WWOX: variants seen among roughly 807,000 people sequenced by gnomAD.
The protein encoded by WWOX is WW domain-containing oxidoreductase.
WWOX carries 69 observed loss-of-function variants against 46.2 expected under a neutral mutation model. That is an observed-to-expected ratio of 1.49 (90% CI 1.23 to 1.82). The LOEUF is 1.82. Among genes scored for constraint, WWOX ranks in the 40% most tolerant of loss-of-function variants. The pLI is 0.00. For missense variants in WWOX, 919 were observed against 542.6 expected, an observed-to-expected ratio of 1.69 and a Z score of -6.89; for synonymous variants, 359 against 202.6, an observed-to-expected ratio of 1.77 and a Z score of -6.56.
intron 5 of WWOX, among the ~76,000 whole-genome samples, chr16:78,214,434 G>A (rs573800192): frequency 6.6e-6 from 1 of 152,102 alleles, no homozygotes; most frequent in East Asian, 1.9e-4. Flanking sequence ...GTGCACAATC[G>A]AAGTCTGCTG....
chr16:79,037,988 C>T (rs1030709773), intron 8 of WWOX, among the ~76,000 whole-genome samples: 6 of 152,022 alleles, frequency 3.9e-5, no homozygotes, highest in Non-Finnish European at 7.4e-5. Context: ...AGAAAAAGCT[C>T]GTTAACACAT....
intron 8 of WWOX, among the ~76,000 whole-genome samples, chr16:78,460,064 C>T (rs1400660013): frequency 6.6e-6 from 1 of 152,058 alleles, no homozygotes; most frequent in Non-Finnish European, 1.5e-5. Flanking sequence ...ACCTCGGCCT[C>T]CCAAAGTGCT....
intron 4 of WWOX, among the ~76,000 whole-genome samples, chr16:78,127,752 T>A (rs1421082364): frequency 1.3e-5 from 2 of 152,222 alleles, no homozygotes; most frequent in African/African-American, 2.4e-5. Context: ...TCAACTTTGC[T>A]GTCCTATTTT....
chr16:78,877,454 C>T (rs2044257333), intron 8 of WWOX, among the ~76,000 whole-genome samples: 1 of 152,180 alleles, frequency 6.6e-6, no homozygotes, highest in Non-Finnish European at 1.5e-5. Context: ...TGTTCTTCTC[C>T]AAAAGGCTTT....
chr16:78,579,388 A>C (rs1179696860), intron 8 of WWOX, among the ~76,000 whole-genome samples: 2 of 152,166 alleles, frequency 1.3e-5, no homozygotes, highest in East Asian at 3.9e-4. Flanking sequence ...GCCAAATTGA[A>C]GGGTAAACTG....
intron 8 of WWOX, among the ~76,000 whole-genome samples, chr16:78,990,175 C>T (rs1392095965): frequency 2.1e-5 from 3 of 140,778 alleles, no homozygotes; most frequent in African/African-American, 8.7e-5. Context: ...CAGAGGGAGA[C>T]CTTGTCTCAC....
rs148997465 is a variant in WWOX at position 78,383,363 on chromosome 16, A to G, written c.517-3497A>G. ...GGGTGTTCTCTGTACCAGTTTGGCCATGTTTTGTGAATCTATAATTAGTTT... is the reference window on the plus strand; with the variant it reads ...GGGTGTTCTCTGTACCAGTTTGGCCGTGTTTTGTGAATCTATAATTAGTTT... On this transcript the variant is annotated intron_variant, in intron 5 of 8. Coordinates refer to ENST00000566780, the MANE Select transcript of WWOX (RefSeq NM_016373.4). Among the ~76,000 whole-genome samples the G allele has an allele frequency of 4.9e-3, 741 of 152,214 alleles. 8 individuals are homozygous for G. Among genetic ancestry groups the G allele is most frequent in the African/African-American group, 0.015 (638 of 41,522 alleles).
chr16:78,665,601 C>T (rs959859442), intron 8 of WWOX, among the ~76,000 whole-genome samples: 6 of 152,050 alleles, frequency 3.9e-5, no homozygotes, highest in African/African-American at 9.7e-5. Context: ...TTCCAGATTC[C>T]GATTGCCCTG....
At chr16:78,181,189 AAGAC>A (rs1219602575) in intron 5 of WWOX, among the ~76,000 whole-genome samples, 2 of 152,054 alleles carry the variant, frequency 1.3e-5, no homozygotes, top group African/African-American at 4.8e-5. Context: ...GAGGGACAGA[AAGAC>A]AGAGAGAGAC....
chr16:78,795,589 G>T (rs1168593449), intron 8 of WWOX, among the ~76,000 whole-genome samples: 1 of 152,216 alleles, frequency 6.6e-6, no homozygotes, highest in Non-Finnish European at 1.5e-5. Flanking sequence ...TTCTGGGACA[G>T]TGCTTTCTTG....
intron 5 of WWOX, among the ~76,000 whole-genome samples, chr16:78,305,938 C>G (rs2080126448): frequency 1.3e-5 from 2 of 151,936 alleles, no homozygotes; most frequent in Admixed American, 6.6e-5. Flanking sequence ...AGTGGTCAGA[C>G]CACCAAGAAT....
At chr16:78,534,733 G>C (rs2043716421) in intron 8 of WWOX, among the ~76,000 whole-genome samples, 1 of 149,926 alleles carries the variant, frequency 6.7e-6, no homozygotes, top group Non-Finnish European at 1.5e-5. Flanking sequence ...TATTTTTTTT[G>C]AGACAGAGTC....
At chr16:78,429,109 G>A (rs908765935) in intron 7 of WWOX, among the ~76,000 whole-genome samples, 3 of 152,180 alleles carry the variant, frequency 2.0e-5, no homozygotes, top group African/African-American at 7.2e-5. Context: ...GTCAGGCACT[G>A]TAGTAAGCAA....
intron 8 of WWOX, among the ~76,000 whole-genome samples, chr16:78,886,408 G>A (rs1228929731): frequency 6.6e-6 from 1 of 151,514 alleles, no homozygotes; most frequent in Non-Finnish European, 1.5e-5. Context: ...AATTTTGAAT[G>A]GTGGCTTCAC....
intron 8 of WWOX, among the ~76,000 whole-genome samples, chr16:78,629,045 C>T (rs990883303): frequency 2.0e-5 from 3 of 152,132 alleles, no homozygotes; most frequent in African/African-American, 7.2e-5. Context: ...ACCCAATAGA[C>T]CATAACTGCA....
chr16:79,014,499 C>T (rs780181594), intron 8 of WWOX, among the ~76,000 whole-genome samples: 2 of 152,170 alleles, frequency 1.3e-5, no homozygotes, highest in Non-Finnish European at 2.9e-5. Flanking sequence ...CAGGGAAATC[C>T]AGCCGTTGCT....
intron 5 of WWOX, among the ~76,000 whole-genome samples, chr16:78,257,057 A>C (rs996729386): frequency 6.6e-6 from 1 of 152,120 alleles, no homozygotes; most frequent in Non-Finnish European, 1.5e-5. Context: ...CGCAGCAATC[A>C]GAAGGAATGG....
At chr16:78,378,270 A>C (rs1263044813) in intron 5 of WWOX, among the ~76,000 whole-genome samples, 1 of 152,172 alleles carries the variant, frequency 6.6e-6, no homozygotes, top group Admixed American at 6.5e-5. Context: ...AGAGACTCTC[A>C]AACTCCCCTT....
chr16:79,145,550 A>T (rs558971668), intron 8 of WWOX, among the ~76,000 whole-genome samples: 1 of 152,322 alleles, frequency 6.6e-6, no homozygotes, highest in Admixed American at 6.5e-5. Context: ...TTCCATTAGA[A>T]TCAGAAACTA....
Sources: allele counts gnomAD v4.1 joint callset (sites outside exome capture counted in the v4.1 genomes callset), GRCh38; gene constraint gnomAD v4.1.1; transcripts MANE v1.5; gene names NCBI Gene and HGNC (gene_info 2026-07-23, HGNC 2026-07-21).